RIT2: variants seen among roughly 807,000 people sequenced by gnomAD.
RIT2 encodes GTP-binding protein Rit2.
In RIT2, 24 loss-of-function variants were observed where a neutral mutation model predicts 23.7. The ratio of observed to expected loss-of-function variants is 1.01; its 90% CI spans 0.73 to 1.43. RIT2 has a LOEUF of 1.43. RIT2 is among the 40% of genes most tolerant of loss of function. The pLI, the probability that RIT2 is intolerant of heterozygous loss-of-function variation, is 0.00. For synonymous variants in RIT2, 107 were observed against 91.1 expected, an observed-to-expected ratio of 1.17 and a Z score of -0.99; for missense variants, 236 against 266.9, an observed-to-expected ratio of 0.88 and a Z score of 0.81.
intron 4 of RIT2, among the ~76,000 whole-genome samples, chr18:42,863,371 G>T (rs908747174): frequency 6.6e-6 from 1 of 151,958 alleles, no homozygotes; most frequent in East Asian, 1.9e-4. Context: ...AAAATCAAAG[G>T]ACCCTTAACC....
chr18:42,811,585 A>G (rs1215187412), intron 4 of RIT2, among the ~76,000 whole-genome samples: 1 of 152,078 alleles, frequency 6.6e-6, no homozygotes, highest in Non-Finnish European at 1.5e-5. Context: ...TGAAAGAAGT[A>G]AATTTAAAAA....
chr18:42,917,381 T>A (rs1908938147), intron 4 of RIT2, among the ~76,000 whole-genome samples: 1 of 152,124 alleles, frequency 6.6e-6, no homozygotes, highest in Non-Finnish European at 1.5e-5. Context: ...CAGGTATCAC[T>A]GAGGAATGTA....
intron 1 of RIT2, among the ~76,000 whole-genome samples, chr18:43,092,645 G>T (rs1000258772): frequency 6.6e-6 from 1 of 152,010 alleles, no homozygotes; most frequent in Non-Finnish European, 1.5e-5. Flanking sequence ...GACCATGGTT[G>T]CCAATAGGAG....
intron 4 of RIT2, among the ~76,000 whole-genome samples, chr18:42,856,007 TAA>T (rs1907171842): frequency 2.0e-5 from 3 of 152,114 alleles, no homozygotes; most frequent in African/African-American, 7.2e-5. Flanking sequence ...GCCTCAGAAG[TAA>T]AAGTTTTTAT....
At chr18:43,001,651 G>T (rs1046230124) in intron 2 of RIT2, among the ~76,000 whole-genome samples, 2 of 151,978 alleles carry the variant, frequency 1.3e-5, no homozygotes, top group African/African-American at 4.8e-5. Flanking sequence ...GAGAAATAGT[G>T]CTTGTCTTAT....
chr18:43,004,891 T>C lies in RIT2; in HGVS notation c.160+28920A>G, dbSNP rs188123831. On this transcript the variant is annotated intron_variant, in intron 2 of 4. Coordinates refer to ENST00000326695, the MANE Select transcript of RIT2 (RefSeq NM_002930.4). ...ACTATGCTGTGCTCATGTTTGCATA[T>C]CTTCACAGCATTGATCACAGGCTGG... Among the ~76,000 whole-genome samples, 710 of 151,976 alleles carry C rather than the reference T, an allele frequency of 4.7e-3. 3 individuals carry two copies. The highest frequency in any genetic ancestry group is 0.017 in the Middle Eastern group (5 of 294).
intron 4 of RIT2, among the ~76,000 whole-genome samples, chr18:42,770,370 C>T (rs1400967852): frequency 1.1e-4 from 17 of 152,156 alleles, no homozygotes; most frequent in African/African-American, 3.1e-4. Context: ...ATAGACTACA[C>T]ACGTATATTC....
chr18:42,893,443 G>T (rs640431), intron 4 of RIT2, among the ~76,000 whole-genome samples: 140,611 of 152,152 alleles, frequency 0.92, 65,017 homozygotes, highest in East Asian at 1. Flanking sequence ...AAGGCAGAAG[G>T]GGTGAACAGC....
rs914153586 is a variant in RIT2, at chr18:42,881,619, C to T, written c.426+41953G>A. 7.9e-5 allele frequency among the ~76,000 whole-genome samples: 12 copies of T among 152,088 alleles called. 1 individual carries two copies. Among genetic ancestry groups the T allele is most frequent in the Admixed American group, 7.2e-4 (11 of 15,266 alleles). On this transcript the variant is annotated intron_variant, in intron 4 of 4. Transcript: ENST00000326695. Reference sequence around the variant, plus strand: ...TCTTGAAATTGTTCATGCTTTTTCCCTCCTCTGCATACTCTGTTATCTTTA... The same window carrying T: ...TCTTGAAATTGTTCATGCTTTTTCCTTCCTCTGCATACTCTGTTATCTTTA...
At chr18:43,105,497 A>AGAGGAAGGGAGGAAGAGAGG (rs72193332) in intron 1 of RIT2, among the ~76,000 whole-genome samples, 1 of 90,740 alleles carries the variant, frequency 1.1e-5, no homozygotes. Context: ...AGGGAGGAAG[A>AGAGGAAGGGAGGAAGAGAGG]AAGGGAGGGA....
chr18:42,803,121 G>A (rs1905587869), intron 4 of RIT2, among the ~76,000 whole-genome samples: 2 of 152,140 alleles, frequency 1.3e-5, no homozygotes, highest in African/African-American at 4.8e-5. Context: ...CATAGGCATT[G>A]TACATCTACT....
intron 3 of RIT2, among the ~76,000 whole-genome samples, chr18:42,931,670 C>G (rs1319924090): frequency 6.6e-6 from 1 of 152,040 alleles, no homozygotes; most frequent in Non-Finnish European, 1.5e-5. Flanking sequence ...TCCTGTTTAT[C>G]CTGGAGGTCA....
At chr18:42,775,782 C>T (rs192692451) in intron 4 of RIT2, among the ~76,000 whole-genome samples, 1 of 152,162 alleles carries the variant, frequency 6.6e-6, no homozygotes. Context: ...ATATATTCCT[C>T]ATACCCATCT....
At chr18:42,964,984 A>T (rs1428532772) in intron 3 of RIT2, among the ~76,000 whole-genome samples, 1 of 152,206 alleles carries the variant, frequency 6.6e-6, no homozygotes, top group African/African-American at 2.4e-5. Context: ...GTTGATTCTC[A>T]TTCTTAAAAC....
intron 4 of RIT2, among the ~76,000 whole-genome samples, chr18:42,918,925 C>T (rs1908983529): frequency 6.6e-6 from 1 of 152,132 alleles, no homozygotes; most frequent in Admixed American, 6.6e-5. Flanking sequence ...CTTCGTTCTT[C>T]AAATGTGCTA....
At chr18:42,965,739 T>TTTTTTTTTTTTTTTA (rs1910206435) in intron 3 of RIT2, among the ~76,000 whole-genome samples, 1 of 127,300 alleles carries the variant, frequency 7.9e-6, no homozygotes. Flanking sequence ...TTTTTTTTTT[T>TTTTTTTTTTTTTTTA]TTTTTTCAGA....
In RIT2 at chr18:42,782,275, T is replaced by C. The variant is rs1913828037; in HGVS notation, c.427-38555A>G. Among the ~76,000 whole-genome samples, 3 of 152,118 alleles carry C rather than the reference T, an allele frequency of 2.0e-5. No homozygotes were observed. In the South Asian group the frequency reaches 6.2e-4, roughly 31 times the overall value. On this transcript the variant is annotated intron_variant, in intron 4 of 4. Coordinates refer to ENST00000326695, the MANE Select transcript of RIT2 (RefSeq NM_002930.4). ...AGATTAGTGCTCATGTATTTTTGAG[T>C]AAAGTATTTATTGAATAACTACTAT... is the stretch of plus-strand genomic sequence containing the variant.
intron 3 of RIT2, among the ~76,000 whole-genome samples, chr18:42,972,901 A>G (rs1270953221): frequency 6.6e-6 from 1 of 151,896 alleles, no homozygotes; most frequent in Non-Finnish European, 1.5e-5. Context: ...CTTTTAATTG[A>G]ATACCAGCAG....
chr18:42,982,877 A>T (rs1168558326), intron 2 of RIT2, among the ~76,000 whole-genome samples: 2 of 152,090 alleles, frequency 1.3e-5, no homozygotes, highest in Admixed American at 1.3e-4. Flanking sequence ...ATTGGAAGAC[A>T]GCATAATAAA....
Sources: gnomAD v4.1 joint callset for allele counts (sites outside exome capture counted in the v4.1 genomes callset) on GRCh38, gnomAD v4.1.1 for gene constraint, MANE v1.5 for transcripts, NCBI Gene and HGNC (gene_info 2026-07-23, HGNC 2026-07-21) for gene names.